SNX29: variants seen among roughly 807,000 people sequenced by gnomAD.
SNX29 encodes the protein sorting nexin 29, also known as sorting nexin-29.
Under a neutral mutation model 102.1 loss-of-function variants are expected in SNX29, and 78 were observed. The observed-to-expected ratio is 0.76, with a 90% CI of 0.64 to 0.92. The LOEUF is 0.92. SNX29 is among the 40% of genes least tolerant of loss of function. The probability of loss-of-function intolerance (pLI) is 0.00; values close to 1 mark genes in which losing one functional copy is unlikely to be tolerated. For missense variants in SNX29, 1,280 were observed against 1,061.7 expected (o/e 1.21, Z -2.86); for synonymous variants, 580 against 414.5 (o/e 1.40, Z -4.85).
At chr16:12,510,330 G>T (rs3764305) in intron 19 of SNX29, among the ~76,000 whole-genome samples, 21,381 of 152,094 alleles carry the variant, frequency 0.14, 1,643 homozygotes, top group African/African-American at 0.2. Flanking sequence ...TGGAGGCCCT[G>T]GCAGCAGATG....
chr16:12,418,408 G>A (rs1282553881), intron 18 of SNX29, among the ~76,000 whole-genome samples: 1 of 152,096 alleles, frequency 6.6e-6, no homozygotes, highest in Non-Finnish European at 1.5e-5. Context: ...TTCTAGTGGA[G>A]TGGGTGAGAA....
chr16:12,563,356 G>A (rs532005461), intron 20 of SNX29, among the ~76,000 whole-genome samples: 5 of 152,032 alleles, frequency 3.3e-5, no homozygotes, highest in Admixed American at 2.6e-4. Flanking sequence ...TCCTGAGCCT[G>A]TCTTTTATCG....
chr16:12,419,569 C>T lies in SNX29; in HGVS notation c.2037+16040C>T, dbSNP rs201871366. On this transcript the variant is annotated intron_variant, in intron 18 of 20. Coordinates refer to ENST00000566228, the MANE Select transcript of SNX29 (RefSeq NM_032167.5). ...TTAGTGTCATCAGACTCAGCCCCCC[C>T]CCCCATCTTTCTGTCGATTTGCGTT... Among the ~76,000 whole-genome samples the T allele has an allele frequency of 2.0e-4, 31 of 151,886 alleles. No homozygotes were observed. The East Asian group carries it at 3.1e-3, about 15-fold the overall frequency.
intron 18 of SNX29, among the ~76,000 whole-genome samples, chr16:12,476,605 T>C (rs2087665820): frequency 6.6e-6 from 1 of 150,922 alleles, no homozygotes; most frequent in African/African-American, 2.4e-5. Context: ...TTATTGCTCC[T>C]TAAGGTCATC....
intron 15 of SNX29, among the ~76,000 whole-genome samples, chr16:12,287,290 T>C (rs2079629600): frequency 1.3e-5 from 2 of 152,232 alleles, no homozygotes; most frequent in Admixed American, 1.3e-4. Context: ...GCCTCCAGCA[T>C]GGTCTCCTTT....
chr16:12,504,336 A>C (rs1456369448), intron 19 of SNX29, among the ~76,000 whole-genome samples: 1 of 152,120 alleles, frequency 6.6e-6, no homozygotes, highest in Admixed American at 6.6e-5. Context: ...AGTTATCACT[A>C]GGAGCAATTT....
At chr16:12,459,567 G>C (rs1429138689) in intron 18 of SNX29, among the ~76,000 whole-genome samples, 1 of 152,136 alleles carries the variant, frequency 6.6e-6, no homozygotes, top group Non-Finnish European at 1.5e-5. Context: ...TGGACCATGC[G>C]GGATTATGCC....
chr16:12,151,255 C>G (rs1156690203), intron 13 of SNX29, among the ~76,000 whole-genome samples: 2 of 152,096 alleles, frequency 1.3e-5, no homozygotes, highest in African/African-American at 4.8e-5. Context: ...TAAATACTTG[C>G]TTATATATGA....
At position 11,976,741 on chromosome 16, in the gene SNX29, G is replaced by T. The variant is rs2055307056; in HGVS notation, c.-66G>T. The T allele has an allele frequency of 2.5e-6, 3 of 1,215,036 alleles. No individual in the cohort carries two copies. In the East Asian group the frequency reaches 9.7e-5, roughly 39 times the overall value. The allele number at this position is 1,215,036 out of a possible 1,614,324, so 75.3% of individuals were successfully genotyped here. A position where few individuals can be genotyped will look rare whatever the true frequency, so the allele number is the denominator to read the frequency against. On this transcript the variant is annotated 5_prime_UTR_variant, in exon 1 of 21. Coordinates refer to ENST00000566228, the MANE Select transcript of SNX29 (RefSeq NM_032167.5). ...GCTCCTGTCTCCCGGCCTGTCTGGA[G>T]CTCGGCAGCCGCAGAAGCGGCAGCG...
rs186491852 is a variant in SNX29, at chr16:12,277,712, C to G, written c.1679-221C>G. On this transcript the variant is annotated intron_variant, in intron 14 of 20. Transcript: ENST00000566228. ...AACTCAGCCTCCTGAGCAGCTGACACTACAGGCGCACACCACCATTCCTGG... is the reference window on the plus strand; with the variant it reads ...AACTCAGCCTCCTGAGCAGCTGACAGTACAGGCGCACACCACCATTCCTGG... 6.6e-4 allele frequency among the ~76,000 whole-genome samples: 101 copies of G among 152,258 alleles called. 1 individual carries two copies. The highest frequency in any genetic ancestry group is 3.1e-3 in the Admixed American group (48 of 15,290).
intron 18 of SNX29, among the ~76,000 whole-genome samples, chr16:12,463,817 A>AGTGGGTGTGT (rs2086921583): frequency 7.0e-6 from 1 of 143,270 alleles, no homozygotes; most frequent in Non-Finnish European, 1.5e-5. Context: ...TCCCGAAGTG[A>AGTGGGTGTGT]GTGTGTGTGT....
At chr16:12,542,140 C>G (rs537039843) in intron 20 of SNX29, among the ~76,000 whole-genome samples, 66 of 152,248 alleles carry the variant, frequency 4.3e-4, no homozygotes, top group Non-Finnish European at 7.8e-4. Context: ...CCAATTCAGC[C>G]CACGCTACCT....
At chr16:12,144,750 C>A (rs9936307) in intron 13 of SNX29, among the ~76,000 whole-genome samples, 248 of 152,354 alleles carry the variant, frequency 1.6e-3, no homozygotes, top group African/African-American at 5.8e-3. Context: ...GAGACGGAGT[C>A]TCGCTGTGTT....
In SNX29 at chr16:12,003,057, T is replaced by C. The variant is rs1353551131; in HGVS notation, c.122+14T>C. On this transcript the variant is annotated intron_variant, in intron 3 of 20. Coordinates refer to ENST00000566228, the MANE Select transcript of SNX29 (RefSeq NM_032167.5). ...TTCCGACAGCAGGTAAATATGTCACTTCTAAAACCGTTGACCATCGAGGTT... is the reference window on the plus strand; with the variant it reads ...TTCCGACAGCAGGTAAATATGTCACCTCTAAAACCGTTGACCATCGAGGTT... 6.2e-7 allele frequency: 1 copy of C among 1,613,918 alleles called. No individual in the cohort carries two copies. Among genetic ancestry groups the C allele is most frequent in the Non-Finnish European group, 8.5e-7 (1 of 1,179,998 alleles).
At chr16:12,529,263 C>G (rs1036485854) in intron 20 of SNX29, among the ~76,000 whole-genome samples, 15 of 152,196 alleles carry the variant, frequency 9.9e-5, no homozygotes, top group African/African-American at 3.6e-4. Flanking sequence ...AGACAAGGAA[C>G]AGATGAGTGC....
intron 18 of SNX29, among the ~76,000 whole-genome samples, chr16:12,432,103 C>T (rs577044469): frequency 6.6e-6 from 1 of 152,122 alleles, no homozygotes; most frequent in Non-Finnish European, 1.5e-5. Context: ...GTGGAGGGGA[C>T]GAGGACACAG....
intron 20 of SNX29, 125 bp from the exon 21 acceptor site, chr16:12,568,381 T>C: frequency 7.8e-7 from 1 of 1,285,612 alleles, no homozygotes; most frequent in Non-Finnish European, 1.1e-6. Flanking sequence ...TAGAGGCAGA[T>C]CCAATGAGCC....
At chr16:12,535,059 G>A (rs1023838173) in intron 20 of SNX29, among the ~76,000 whole-genome samples, 2 of 152,186 alleles carry the variant, frequency 1.3e-5, no homozygotes, top group African/African-American at 4.8e-5. Flanking sequence ...AAAGCACTGG[G>A]ACTCCACAGT....
At chr16:12,403,253 T>A (rs1053627626) in intron 17 of SNX29, among the ~76,000 whole-genome samples, 195 bp from the exon 18 acceptor site, 2 of 84,258 alleles carry the variant, frequency 2.4e-5, no homozygotes, top group Non-Finnish European at 5.2e-5. Flanking sequence ...TGTGTGTGTG[T>A]GTAGAGAGAG....
Sources: gnomAD v4.1 joint callset for allele counts (sites outside exome capture counted in the v4.1 genomes callset) on GRCh38, gnomAD v4.1.1 for gene constraint, MANE v1.5 for transcripts, NCBI Gene and HGNC (gene_info 2026-07-23, HGNC 2026-07-21) for gene names.